The following ST6GALNAC3 variants were observed in gnomAD, a reference collection of about 807,000 sequenced individuals.
ST6GALNAC3 encodes the protein ST6 N-acetylgalactosaminide alpha-2,6-sialyltransferase 3, also known as alpha-N-acetylgalactosaminide alpha-2,6-sialyltransferase 3.
In ST6GALNAC3, 25 loss-of-function variants were observed where a neutral mutation model predicts 32.7. The observed-to-expected ratio is 0.76, with a 90% CI of 0.56 to 1.07. The LOEUF is 1.07. ST6GALNAC3 is among the 50% of genes least tolerant of loss of function. The pLI, the probability that ST6GALNAC3 is intolerant of heterozygous loss-of-function variation, is 0.00. For missense variants in ST6GALNAC3, 355 were observed against 382.4 expected (o/e 0.93, Z 0.60); for synonymous variants, 129 against 133.1 (o/e 0.97, Z 0.21).
chr1:76,101,411 C>T (rs903347034), intron 1 of ST6GALNAC3, among the ~76,000 whole-genome samples: 9 of 152,136 alleles, frequency 5.9e-5, no homozygotes, highest in African/African-American at 2.2e-4. Flanking sequence ...CATTCTCCTA[C>T]TGAAGGCCAG....
At chr1:76,411,004 G>A (rs769612449) in intron 2 of ST6GALNAC3, among the ~76,000 whole-genome samples, 9 of 152,106 alleles carry the variant, frequency 5.9e-5, no homozygotes, top group Non-Finnish European at 1.2e-4. Flanking sequence ...AAAAATTCAA[G>A]ATCGAATGTC....
intron 3 of ST6GALNAC3, among the ~76,000 whole-genome samples, chr1:76,426,548 TATATATATATATCTGTAC>T (rs1045370832): frequency 5.3e-5 from 8 of 149,812 alleles, no homozygotes; most frequent in African/African-American, 1.8e-4. Context: ...TTTACAGATA[TATATATATATATCTGTAC>T]ATATATATAT....
intron 2 of ST6GALNAC3, among the ~76,000 whole-genome samples, chr1:76,409,260 A>G (rs1654044787): frequency 6.6e-6 from 1 of 152,090 alleles, no homozygotes; most frequent in African/African-American, 2.4e-5. Flanking sequence ...ATTAGTTGAG[A>G]AACCTTACTG....
intron 3 of ST6GALNAC3, among the ~76,000 whole-genome samples, chr1:76,540,040 TA>T (rs1409180083): frequency 1.3e-5 from 2 of 152,192 alleles, no homozygotes; most frequent in Non-Finnish European, 2.9e-5. Context: ...TATTCTGCTG[TA>T]AAGATGCATG....
At chr1:76,518,348 T>A (rs1486306171) in intron 3 of ST6GALNAC3, among the ~76,000 whole-genome samples, 1 of 152,132 alleles carries the variant, frequency 6.6e-6, no homozygotes, top group East Asian at 1.9e-4. Flanking sequence ...GCTAAAATTA[T>A]TATGTATATC....
At chr1:76,567,446 G>A (rs1408585315) in intron 3 of ST6GALNAC3, among the ~76,000 whole-genome samples, 1 of 152,082 alleles carries the variant, frequency 6.6e-6, no homozygotes, top group Non-Finnish European at 1.5e-5. Flanking sequence ...AAAAACTTAA[G>A]CAACATGAAA....
chr1:76,411,393 A>G (rs1339935552), intron 2 of ST6GALNAC3, among the ~76,000 whole-genome samples: 7 of 152,156 alleles, frequency 4.6e-5, no homozygotes, highest in Non-Finnish European at 1.0e-4. Context: ...TTATCCATCT[A>G]GGATAAACAT....
At chr1:76,426,292 A>C (rs151318458) in intron 3 of ST6GALNAC3, among the ~76,000 whole-genome samples, 1 of 151,830 alleles carries the variant, frequency 6.6e-6, no homozygotes, top group Non-Finnish European at 1.5e-5. Flanking sequence ...TGCCCCCTCA[A>C]ATAGCATCTG....
intron 3 of ST6GALNAC3, among the ~76,000 whole-genome samples, chr1:76,506,155 C>G (rs762249450): frequency 6.6e-6 from 1 of 152,186 alleles, no homozygotes; most frequent in African/African-American, 2.4e-5. Context: ...ACCCTTTACT[C>G]TGCTGAATCT....
chr1:76,498,321 C>T (rs1485702335), intron 3 of ST6GALNAC3, among the ~76,000 whole-genome samples: 3 of 152,060 alleles, frequency 2.0e-5, no homozygotes, highest in South Asian at 2.1e-4. Flanking sequence ...TCTTTTTATC[C>T]TCAATTGATT....
chr1:76,256,236 G>T (rs531025020), intron 1 of ST6GALNAC3, among the ~76,000 whole-genome samples: 2 of 152,168 alleles, frequency 1.3e-5, no homozygotes, highest in Non-Finnish European at 2.9e-5. Context: ...GAAAAGTAAT[G>T]GTCTTCCTTC....
intron 1 of ST6GALNAC3, among the ~76,000 whole-genome samples, chr1:76,113,120 G>C (rs1486535473): frequency 2.6e-5 from 4 of 152,136 alleles, no homozygotes; most frequent in Non-Finnish European, 5.9e-5. Context: ...CGGATCACTC[G>C]CGGTTAGGAG....
At chr1:76,361,308 A>G (rs1227815940) in intron 2 of ST6GALNAC3, among the ~76,000 whole-genome samples, 1 of 152,050 alleles carries the variant, frequency 6.6e-6, no homozygotes, top group Non-Finnish European at 1.5e-5. Flanking sequence ...ATGCTGCACT[A>G]CTGCATGGAA....
intron 1 of ST6GALNAC3, among the ~76,000 whole-genome samples, chr1:76,208,816 C>G (rs1015681259): frequency 6.6e-6 from 1 of 152,162 alleles, no homozygotes; most frequent in African/African-American, 2.4e-5. Context: ...ACGTTCTCTC[C>G]TATTGGATTT....
At chr1:76,372,028 A>G (rs188907704) in intron 2 of ST6GALNAC3, among the ~76,000 whole-genome samples, 52 of 152,294 alleles carry the variant, frequency 3.4e-4, no homozygotes, top group Admixed American at 1.0e-3. Flanking sequence ...TTGCAGCCCT[A>G]GAGCTGTGTA....
intron 3 of ST6GALNAC3, among the ~76,000 whole-genome samples, chr1:76,510,441 C>T (rs77531651): frequency 1.3e-3 from 203 of 151,640 alleles, no homozygotes; most frequent in Middle Eastern, 3.4e-3. Flanking sequence ...ACACATAAAA[C>T]ACAAGAACAT....
At position 76,457,057 on chromosome 1, in the gene ST6GALNAC3, T is replaced by C. The variant is rs1205269820; in HGVS notation, c.623+44640T>C. On this transcript the variant is annotated intron_variant, in intron 3 of 4. Transcript: ENST00000328299. The stretch of plus-strand genomic sequence containing the variant: ...AATCACAAGCATTCTTATACACCAA[T>C]AACAGACAAACAGAGAGCCAAATCA... Among the ~76,000 whole-genome samples the C allele has an allele frequency of 1.6e-3, 238 of 151,608 alleles. 2 individuals carry two copies. The highest frequency in any genetic ancestry group is 5.7e-3 in the African/African-American group (234 of 41,296).
intron 1 of ST6GALNAC3, chr1:76,307,988 G>A: frequency 2.2e-6 from 1 of 446,606 alleles, no homozygotes; most frequent in Non-Finnish European, 4.6e-6. Flanking sequence ...AGCACAGAGG[G>A]GATTAAATTC....
At chr1:76,195,419 ATAT>A (rs1324752330) in intron 1 of ST6GALNAC3, among the ~76,000 whole-genome samples, 1 of 152,210 alleles carries the variant, frequency 6.6e-6, no homozygotes, top group Non-Finnish European at 1.5e-5. Context: ...ATCACACAGA[ATAT>A]TAAAAAGAAT....
Sources: gnomAD v4.1 joint callset for allele counts (sites outside exome capture counted in the v4.1 genomes callset) on GRCh38, gnomAD v4.1.1 for gene constraint, MANE v1.5 for transcripts, NCBI Gene and HGNC (gene_info 2026-07-23, HGNC 2026-07-21) for gene names.